The following LRP11 variants were observed in gnomAD, a reference collection of about 807,000 sequenced individuals.
The protein encoded by LRP11 is low-density lipoprotein receptor-related protein 11.
Under a neutral mutation model 43.1 loss-of-function variants are expected in LRP11, and 25 were observed. The observed-to-expected ratio is 0.58, with a 90% CI of 0.42 to 0.81. The LOEUF is 0.81. Ranked by LOEUF, LRP11 falls within the 30% of genes least tolerant of loss-of-function variation. LRP11 has a pLI of 0.00. For missense variants in LRP11, 623 were observed against 665.1 expected (o/e 0.94, Z 0.70); for synonymous variants, 316 against 299.4 (o/e 1.06, Z -0.57).
At chr6:149,861,077 T>C (rs780081215) in intron 1 of LRP11, among the ~76,000 whole-genome samples, 9 of 152,154 alleles carry the variant, frequency 5.9e-5, no homozygotes, top group Non-Finnish European at 1.2e-4. Flanking sequence ...TCATGGTGCT[T>C]TCATCCACCT....
At position 149,844,250 on chromosome 6, in the gene LRP11, C is replaced by CAA. The variant is rs5880856; in HGVS notation, c.772-1128_772-1127dup. Among the ~76,000 whole-genome samples the CAA allele has an allele frequency of 9.6e-3, 1,206 of 125,112 alleles. 7 individuals are homozygous for CAA. Among genetic ancestry groups the CAA allele is most frequent in the Middle Eastern group, 0.023 (5 of 218 alleles). The allele number at this position is 125,112 out of a possible 152,430, so 82.1% of individuals were successfully genotyped here. On this transcript the variant is annotated intron_variant, in intron 2 of 6. Transcript: ENST00000239367. ...CTGCTGACAGAGCAAGACTCCATCTCAAAAAAAAAAAAAAAAATCCATGTT... is the reference window on the plus strand; with the variant it reads ...CTGCTGACAGAGCAAGACTCCATCTCAAAAAAAAAAAAAAAAAAATCCATGTT...
intron 1 of LRP11, among the ~76,000 whole-genome samples, chr6:149,855,744 C>A (rs1776789587): frequency 6.8e-6 from 1 of 147,642 alleles, no homozygotes; most frequent in African/African-American, 2.5e-5. Context: ...GAATTAAGCA[C>A]AATTGCTTTT....
intron 1 of LRP11, among the ~76,000 whole-genome samples, 193 bp from the exon 2 acceptor site, chr6:149,853,353 G>A (rs1776751971): frequency 1.3e-5 from 2 of 152,082 alleles, no homozygotes; most frequent in African/African-American, 4.8e-5. Context: ...GAGGCTGTGT[G>A]GAGTGTTGGC....
chr6:149,859,901 G>T (rs960452465), intron 1 of LRP11, among the ~76,000 whole-genome samples: 1 of 151,854 alleles, frequency 6.6e-6, no homozygotes, highest in Non-Finnish European at 1.5e-5. Flanking sequence ...GTAATCTATG[G>T]CTTAATTTAA....
In LRP11 at chr6:149,856,612, T is replaced by A. The variant is rs189873322; in HGVS notation, c.614-3452A>T. ...TTGTCAAAAAAATGTAATAAACCCA[T>A]GTTAAGTACTAGGGAAACACTGGTT... is the stretch of plus-strand genomic sequence containing the variant. On this transcript the variant is annotated intron_variant, in intron 1 of 6. Coordinates refer to ENST00000239367, the MANE Select transcript of LRP11 (RefSeq NM_032832.6). 1.8e-3 allele frequency among the ~76,000 whole-genome samples: 272 copies of A among 152,314 alleles called. 1 individual carries two copies. The highest frequency in any genetic ancestry group is 3.2e-3 in the Non-Finnish European group (216 of 68,024).
chr6:149,851,371 T>C (rs1776716603), intron 2 of LRP11, among the ~76,000 whole-genome samples: 1 of 152,320 alleles, frequency 6.6e-6, no homozygotes, highest in East Asian at 1.9e-4. Flanking sequence ...AAGAAGGGTA[T>C]GGATTAATAT....
chr6:149,852,852 T>C, intron 2 of LRP11, 151 bp downstream of exon 2: 1 of 557,824 alleles, frequency 1.8e-6, no homozygotes, highest in Non-Finnish European at 2.9e-6. Flanking sequence ...ATTGAGATAA[T>C]AAACCATTTT....
At chr6:149,860,601 G>T (rs1280959168) in intron 1 of LRP11, among the ~76,000 whole-genome samples, 1 of 152,132 alleles carries the variant, frequency 6.6e-6, no homozygotes, top group Non-Finnish European at 1.5e-5. Context: ...ACCAAGTCCT[G>T]GGGGCATGAG....
chr6:149,853,277 T>C lies in LRP11; in HGVS notation c.614-117A>G, dbSNP rs778344635. 9.4e-6 allele frequency: 7 copies of C among 745,880 alleles called. No homozygotes were observed. The Admixed American group carries it at 1.8e-4, about 19-fold the overall frequency. The allele number at this position is 745,880 out of a possible 1,614,324, so 46.2% of individuals were successfully genotyped here. A position where few individuals can be genotyped will look rare whatever the true frequency, so the allele number is the denominator to read the frequency against. ...GGCAAATAACTGCTAAGAGAATCCATATTAAATGGAAATTATTTTTCTATT... is the reference window on the plus strand; with the variant it reads ...GGCAAATAACTGCTAAGAGAATCCACATTAAATGGAAATTATTTTTCTATT... On this transcript the variant is annotated intron_variant, in intron 1 of 6. Transcript: ENST00000239367.
At chr6:149,834,954 A>G (rs1006904004) in intron 5 of LRP11, among the ~76,000 whole-genome samples, 27 of 152,246 alleles carry the variant, frequency 1.8e-4, no homozygotes, top group African/African-American at 6.5e-4. Context: ...CATCTTCCGT[A>G]TCTTGTACAA....
At chr6:149,840,070 CA>C (rs1776524829) in intron 3 of LRP11, among the ~76,000 whole-genome samples, 1 of 152,100 alleles carries the variant, frequency 6.6e-6, no homozygotes, top group Non-Finnish European at 1.5e-5. Context: ...GAAAAATGTT[CA>C]AAATGTCAAC....
At chr6:149,859,396 A>ATATATATATATATATTTTTTTTTTTTT in intron 1 of LRP11, among the ~76,000 whole-genome samples, 3 of 71,496 alleles carry the variant, frequency 4.2e-5, no homozygotes, top group African/African-American at 1.6e-4. Flanking sequence ...ATATATATAT[A>ATATATATATATATATTTTTTTTTTTTT]TTTTTTTTTT....
chr6:149,820,208 G>T lies in LRP11; in HGVS notation c.*341C>A, dbSNP rs1776258680. ...CCAGCATGGTAAGGGGCCAACAGTT[G>T]GCTTCTAAAAGGTAATGGGTTAACA... On this transcript the variant is annotated 3_prime_UTR_variant, in exon 7 of 7. Transcript: ENST00000239367. 5.7e-6 allele frequency: 1 copy of T among 175,462 alleles called. No homozygotes were observed. The highest frequency in any genetic ancestry group is 6.0e-5 in the Admixed American group (1 of 16,730). The allele number at this position is 175,462 out of a possible 1,614,324, so 10.9% of individuals were successfully genotyped here.
intron 5 of LRP11, among the ~76,000 whole-genome samples, chr6:149,835,216 C>G (rs1204297880): frequency 6.6e-6 from 1 of 152,186 alleles, no homozygotes; most frequent in African/African-American, 2.4e-5. Flanking sequence ...TGGCCTCAAG[C>G]AATTCTTCTG....
chr6:149,830,801 C>G (rs898967148), intron 5 of LRP11, among the ~76,000 whole-genome samples: 1 of 152,140 alleles, frequency 6.6e-6, no homozygotes, highest in African/African-American at 2.4e-5. Context: ...TATCAGGCAG[C>G]GGGCAGTGTG....
In LRP11 at chr6:149,827,973, G is replaced by C. The variant is rs1359118670; in HGVS notation, c.1253-1614C>G. On this transcript the variant is annotated intron_variant, in intron 5 of 6. Transcript: ENST00000239367. The surrounding 1 kb of genome is among the most constrained non-coding windows in gnomAD (Gnocchi z 4.2). ...GGAGGCGGAGCTTGCAGTGAGCCGA[G>C]ATCGCGCCACTGCACTCCAGCCTGG... Among the ~76,000 whole-genome samples the C allele has an allele frequency of 6.8e-6, 1 of 146,818 alleles. No individual in the cohort carries two copies. Among genetic ancestry groups the C allele is most frequent in the African/African-American group, 2.6e-5 (1 of 39,146 alleles).
At position 149,853,152 on chromosome 6, in the gene LRP11, C is replaced by T. The variant is rs769885793; in HGVS notation, c.622G>A (p.Ala208Thr). 6 of 1,563,350 alleles carry T rather than the reference C, an allele frequency of 3.8e-6. No homozygotes were observed. Among genetic ancestry groups the T allele is most frequent in the African/African-American group, 1.4e-5 (1 of 71,976 alleles). The part of the protein sequence containing the change: ...ARASPRQEKD[A>T]PPLSKAGQDV... ...TGCCCAGCCTTGCTAAGTGGAGGCGCATCCTTTTCTGAGAAAGAAAATAAA... is the reference window on the plus strand; with the variant it reads ...TGCCCAGCCTTGCTAAGTGGAGGCGTATCCTTTTCTGAGAAAGAAAATAAA... Residue 208 changes from alanine (A) to threonine (T), a missense_variant, in exon 2 of 7, where the codon GCG (alanine) becomes ACG (threonine). Transcript: ENST00000239367.
intron 5 of LRP11, among the ~76,000 whole-genome samples, chr6:149,831,270 G>A (rs1388344949): frequency 6.6e-6 from 1 of 152,218 alleles, no homozygotes; most frequent in East Asian, 1.9e-4. Flanking sequence ...TGATCCGGAA[G>A]AAATACTTTA....
chr6:149,843,129 C>T lies in LRP11; in HGVS notation c.772-5G>A. Reference sequence around the variant, plus strand: ...CAGGGTTCCTGATTGAGGCACCTGCCACACAGATGGGACACATCACGTCGA... The same window carrying T: ...CAGGGTTCCTGATTGAGGCACCTGCTACACAGATGGGACACATCACGTCGA... On this transcript the variant is annotated splice_region_variant and splice_polypyrimidine_tract_variant and intron_variant, in intron 2 of 6. Transcript: ENST00000239367. 4.3e-6 allele frequency: 7 copies of T among 1,614,112 alleles called. No homozygotes were observed. Among genetic ancestry groups the T allele is most frequent in the Non-Finnish European group, 5.9e-6 (7 of 1,180,000 alleles).
Sources: allele counts gnomAD v4.1 joint callset (sites outside exome capture counted in the v4.1 genomes callset), GRCh38; gene constraint gnomAD v4.1.1; non-coding constraint Gnocchi (gnomAD v3.1); transcripts MANE v1.5; gene names NCBI Gene and HGNC (gene_info 2026-07-23, HGNC 2026-07-21).